ATAD2B: variants seen among roughly 807,000 people sequenced by gnomAD.
ATAD2B encodes ATPase family AAA domain containing 2B, also known as ATPase family AAA domain-containing protein 2B.
A neutral mutation model predicts 167.6 loss-of-function variants in ATAD2B; 40 were observed. That is an observed-to-expected ratio of 0.24 (90% CI 0.19 to 0.31). ATAD2B has a LOEUF of 0.31. ATAD2B is among the 10% of genes least tolerant of loss of function. The probability of loss-of-function intolerance (pLI) is 1.00; values close to 1 mark genes in which losing one functional copy is unlikely to be tolerated. For missense variants in ATAD2B, 1,242 were observed against 1,757.2 expected, an observed-to-expected ratio of 0.71 and a Z score of 5.24; for synonymous variants, 579 against 596.5, an observed-to-expected ratio of 0.97 and a Z score of 0.43.
At chr2:23,858,491 T>C (rs1167878753) in intron 12 of ATAD2B, among the ~76,000 whole-genome samples, 2 of 114,562 alleles carry the variant, frequency 1.7e-5, no homozygotes, top group Non-Finnish European at 4.0e-5. Flanking sequence ...GTCTCATTCT[T>C]TTTTTTTTTT....
At chr2:23,768,697 T>C (rs1677827853) in intron 22 of ATAD2B, among the ~76,000 whole-genome samples, 1 of 152,224 alleles carries the variant, frequency 6.6e-6, no homozygotes, top group South Asian at 2.1e-4. Context: ...TGCTTTCTCT[T>C]GCTATAGATC....
At chr2:23,704,019 G>A in the ATAD2B span, among the ~76,000 whole-genome samples, 231 of 152,324 alleles carry the variant, frequency 1.5e-3, no homozygotes, top group African/African-American at 5.3e-3. Flanking sequence ...CATTAGCCCA[G>A]ACCAGTAGGG....
At chr2:23,695,569 G>A in the ATAD2B span, 1 of 1,261,256 alleles carries the variant, frequency 7.9e-7, no homozygotes, top group South Asian at 1.4e-5. The surrounding 1 kb of genome is among the most constrained non-coding windows in gnomAD (Gnocchi z 7.6). Flanking sequence ...TTTCCGTCCG[G>A]GAGGTGGCTC....
At chr2:23,891,171 C>A (rs540538965) in intron 2 of ATAD2B, among the ~76,000 whole-genome samples, 8 of 152,026 alleles carry the variant, frequency 5.3e-5, no homozygotes, top group Non-Finnish European at 1.0e-4. Context: ...CAGGCACCCG[C>A]CATCATGCCC....
chr2:23,853,025 G>A (rs1217008352), intron 13 of ATAD2B, among the ~76,000 whole-genome samples: 1 of 151,788 alleles, frequency 6.6e-6, no homozygotes, highest in African/African-American at 2.4e-5. Context: ...AAAAAAATAT[G>A]TTACAAAGTT....
chr2:23,693,126 G>C, the ATAD2B span: 1 of 967,082 alleles, frequency 1.0e-6, no homozygotes, highest in Non-Finnish European at 1.5e-6. Context: ...CACCCAGGAA[G>C]GGGGCCTGCA....
intron 19 of ATAD2B, among the ~76,000 whole-genome samples, chr2:23,795,470 G>T (rs913312780): frequency 2.6e-5 from 4 of 151,990 alleles, no homozygotes; most frequent in African/African-American, 9.7e-5. Flanking sequence ...CATAGATCTG[G>T]CAACTTGCTA....
intron 2 of ATAD2B, among the ~76,000 whole-genome samples, chr2:23,893,648 A>G (rs969308969): frequency 6.7e-6 from 1 of 150,062 alleles, no homozygotes; most frequent in Non-Finnish European, 1.5e-5. Context: ...CTAGATGAAT[A>G]AACTAAAAAA....
At chr2:23,813,957 A>C (rs1686026046) in intron 17 of ATAD2B, among the ~76,000 whole-genome samples, 1 of 152,190 alleles carries the variant, frequency 6.6e-6, no homozygotes, top group Non-Finnish European at 1.5e-5. Context: ...AATGGCATAA[A>C]GAATTTGCTA....
At chr2:23,743,403 C>G in the ATAD2B span, among the ~76,000 whole-genome samples, 1 of 151,588 alleles carries the variant, frequency 6.6e-6, no homozygotes. Flanking sequence ...CCCATCTCTG[C>G]GAAATAAAAA....
At chr2:23,703,839 T>C in the ATAD2B span, 1 of 1,537,314 alleles carries the variant, frequency 6.5e-7, no homozygotes, top group Non-Finnish European at 8.7e-7. Context: ...GGCCCAAACA[T>C]GAACCACTCT....
chr2:23,917,465 CTAGAGA>C (rs1468866952), intron 1 of ATAD2B, among the ~76,000 whole-genome samples: 1 of 152,192 alleles, frequency 6.6e-6, no homozygotes, highest in African/African-American at 2.4e-5. Flanking sequence ...TTTACTCCCC[CTAGAGA>C]TAGTTTCCCA....
intron 12 of ATAD2B, among the ~76,000 whole-genome samples, chr2:23,857,916 G>T (rs1285654291): frequency 1.3e-5 from 2 of 150,524 alleles, no homozygotes; most frequent in Non-Finnish European, 3.0e-5. Flanking sequence ...TAATTTTGTT[G>T]TATTTTTTAG....
At chr2:23,844,800 A>AGGT (rs1691477070) in intron 13 of ATAD2B, among the ~76,000 whole-genome samples, 1 of 152,158 alleles carries the variant, frequency 6.6e-6, no homozygotes, top group Admixed American at 6.5e-5. Flanking sequence ...AGGAGACAGG[A>AGGT]GGTGGGGACG....
At position 23,796,796 on chromosome 2, in the gene ATAD2B, G is replaced by A. The variant is rs17045921; in HGVS notation, c.2640+1342C>T. ...CTCCATGGTTTCAAAAGAAATTCAC[G>A]TATACTGTCTCACACCAATGACCCT... On this transcript the variant is annotated intron_variant, in intron 19 of 27. Coordinates refer to ENST00000238789, the MANE Select transcript of ATAD2B (RefSeq NM_017552.4). 3.5e-3 allele frequency among the ~76,000 whole-genome samples: 526 copies of A among 152,076 alleles called. 4 individuals are homozygous for A. Among genetic ancestry groups the A allele is most frequent in the African/African-American group, 0.012 (511 of 41,496 alleles).
At chr2:23,878,116 T>C (rs1437526586) in intron 7 of ATAD2B, among the ~76,000 whole-genome samples, 1 of 151,230 alleles carries the variant, frequency 6.6e-6, no homozygotes, top group Non-Finnish European at 1.5e-5. Flanking sequence ...ATCCCAGCAC[T>C]TTAGGAGGCC....
chr2:23,754,089 A>G, intron 27 of ATAD2B, 90 bp downstream of exon 27: 1 of 1,055,256 alleles, frequency 9.5e-7, no homozygotes, highest in Non-Finnish European at 1.3e-6. Context: ...TAAAAGACAT[A>G]GATGTAGGCA....
chr2:23,823,107 A>G, intron 16 of ATAD2B, 151 bp downstream of exon 16: 2 of 678,800 alleles, frequency 2.9e-6, no homozygotes, highest in Admixed American at 3.0e-5. Context: ...CAACTACCAT[A>G]TGCCAGGCAA....
intron 2 of ATAD2B, among the ~76,000 whole-genome samples, chr2:23,895,435 T>C (rs909191119): frequency 1.3e-5 from 2 of 152,128 alleles, no homozygotes; most frequent in African/African-American, 4.8e-5. Flanking sequence ...TTAAAATTAA[T>C]TTAAATGTCA....
Sources: gnomAD v4.1 joint callset for allele counts (sites outside exome capture counted in the v4.1 genomes callset) on GRCh38, gnomAD v4.1.1 for gene constraint, Gnocchi (gnomAD v3.1) non-coding constraint, MANE v1.5 for transcripts, NCBI Gene and HGNC (gene_info 2026-07-23, HGNC 2026-07-21) for gene names.